ASIC4: variants seen among roughly 807,000 people sequenced by gnomAD.
ASIC4 encodes acid-sensing ion channel 4.
In ASIC4, 28 loss-of-function variants were observed where a neutral mutation model predicts 53.4. The ratio of observed to expected loss-of-function variants is 0.52; its 90% CI spans 0.39 to 0.72. The LOEUF is 0.72. Among genes scored for constraint, ASIC4 ranks in the 30% least tolerant of loss-of-function variants. ASIC4 has a pLI of 0.00. For missense variants in ASIC4, 649 were observed against 729.7 expected, an observed-to-expected ratio of 0.89 and a Z score of 1.27; for synonymous variants, 289 against 301.4, an observed-to-expected ratio of 0.96 and a Z score of 0.43.
chr2:219,509,511 C>T (rs191240469), upstream of ASIC4, among the ~76,000 whole-genome samples: 388 of 152,290 alleles, frequency 2.5e-3, no homozygotes, highest in Non-Finnish European at 4.6e-3. The surrounding 1 kb of genome is among the most constrained non-coding windows in gnomAD (Gnocchi z 5.2). Context: ...CTGCCACCCC[C>T]GCTCCCCTTC....
chr2:219,535,155 T>TA lies in ASIC4; in HGVS notation c.1076-15dup. The TA allele has an allele frequency of 6.2e-7, 1 of 1,606,848 alleles. No individual in the cohort carries two copies. Among genetic ancestry groups the TA allele is most frequent in the Non-Finnish European group, 8.5e-7 (1 of 1,175,952 alleles). On this transcript the variant is annotated splice_polypyrimidine_tract_variant and intron_variant, in intron 5 of 9. Coordinates refer to ENST00000358078, the MANE Select transcript of ASIC4 (RefSeq NM_018674.6). ...CTTCTCCAACTCCCACTGTAGCTGC[T>TA]ACCTCTGTGTTGCAGACTCCCTGGG...
chr2:219,510,022 G>A (rs2092052334), upstream of ASIC4, among the ~76,000 whole-genome samples: 1 of 151,986 alleles, frequency 6.6e-6, no homozygotes, highest in African/African-American at 2.4e-5. The surrounding 1 kb of genome is among the most constrained non-coding windows in gnomAD (Gnocchi z 5.2). Flanking sequence ...GTCAATGGCA[G>A]AAAAGTCCCC....
chr2:219,523,119 C>T (rs1047256600), intron 1 of ASIC4, among the ~76,000 whole-genome samples: 1 of 152,332 alleles, frequency 6.6e-6, no homozygotes, highest in East Asian at 1.9e-4. Flanking sequence ...TGAACTCCCG[C>T]CTGGCTGTGG....
At chr2:219,526,629 T>C (rs73991601) in intron 1 of ASIC4, among the ~76,000 whole-genome samples, 1 of 151,250 alleles carries the variant, frequency 6.6e-6, no homozygotes, top group East Asian at 2.0e-4. Flanking sequence ...AGAGACAGAC[T>C]GAGATCAGGA....
At chr2:219,514,365 G>C, upstream of ASIC4, 5 of 1,546,776 alleles carry the variant, frequency 3.2e-6, no homozygotes, top group Non-Finnish European at 4.4e-6. Context: ...AGCGGCTGGG[G>C]CTGCGCGGCG....
the ASIC4 span, among the ~76,000 whole-genome samples, chr2:219,507,991 C>T: frequency 6.6e-6 from 1 of 152,078 alleles, no homozygotes. Flanking sequence ...CTCCCAGGCC[C>T]CTCAGGTCCC....
chr2:219,524,771 C>T (rs1000365468), intron 1 of ASIC4, among the ~76,000 whole-genome samples: 3 of 152,200 alleles, frequency 2.0e-5, no homozygotes, highest in East Asian at 1.9e-4. Context: ...CTGGGGGTTT[C>T]GCTGTGACAG....
At chr2:219,522,992 G>A (rs1160924262) in intron 1 of ASIC4, among the ~76,000 whole-genome samples, 1 of 152,144 alleles carries the variant, frequency 6.6e-6, no homozygotes, top group African/African-American at 2.4e-5. Flanking sequence ...CTGGGTGCGG[G>A]TGGGCCAGGC....
chr2:219,516,842 AAG>A lies in ASIC4; in HGVS notation c.582+1539_582+1540del, dbSNP rs1694799558. 1.3e-5 allele frequency: 2 copies of A among 152,390 alleles called. No individual in the cohort carries two copies. Among genetic ancestry groups the A allele is most frequent in the Admixed American group, 1.3e-4 (2 of 15,286 alleles). The allele number at this position is 152,390 out of a possible 1,614,324, so 9.4% of individuals were successfully genotyped here. On this transcript the variant is annotated intron_variant, in intron 1 of 9. Transcript: ENST00000358078. The surrounding 1 kb of genome is among the most constrained non-coding windows in gnomAD (Gnocchi z 4.9). ...AGGAGCAGGAGCATTGTGCAGGGAG[AAG>A]AGTCGGGGGCATTGGCCTGTTGTCC...
intron 6 of ASIC4, 143 bp downstream of exon 6, chr2:219,535,467 GTGTGGGGTGTA>G (rs1366954947): frequency 1.0e-6 from 1 of 998,480 alleles, no homozygotes; most frequent in African/African-American, 1.7e-5. Context: ...GTGTGTATGT[GTGTGGGGTGTA>G]TGTGGGTGTG....
Position 219,538,108 on chromosome 2 carries a change from TCTC to T in ASIC4, c.*65_*67del. The T allele has an allele frequency of 7.2e-7, 1 of 1,389,204 alleles. No homozygotes were observed. The highest frequency in any genetic ancestry group is 1.0e-6 in the Non-Finnish European group (1 of 996,364). The allele number at this position is 1,389,204 out of a possible 1,614,324, so 86.1% of individuals were successfully genotyped here. A position where few individuals can be genotyped will look rare whatever the true frequency, so the allele number is the denominator to read the frequency against. On this transcript the variant is annotated 3_prime_UTR_variant, in exon 10 of 10. Coordinates refer to ENST00000358078, the MANE Select transcript of ASIC4 (RefSeq NM_018674.6). ...ACCCCTCCTGGGATCCCCAGCACAT[TCTC>T]CTGCTCCTGGGAGAGGCCTGGGGGC...
chr2:219,527,268 C>T (rs573438188), intron 1 of ASIC4, among the ~76,000 whole-genome samples: 284 of 152,342 alleles, frequency 1.9e-3, no homozygotes, highest in African/African-American at 6.5e-3. Context: ...CAGGACTGAC[C>T]CGGGCTGTGC....
chr2:219,523,070 C>T (rs1324557961), intron 1 of ASIC4, among the ~76,000 whole-genome samples: 2 of 151,568 alleles, frequency 1.3e-5, no homozygotes, highest in Non-Finnish European at 2.9e-5. Flanking sequence ...GCACACCCAC[C>T]CACCCACCGT....
At chr2:219,535,362 CTG>C (rs1433773661) in intron 6 of ASIC4, 38 bp downstream of exon 6, 22 of 1,526,400 alleles carry the variant, frequency 1.4e-5, no homozygotes, top group South Asian at 8.6e-5. Flanking sequence ...CTGTGTGACT[CTG>C]TGTGTACGTG....
At chr2:219,508,526 C>G in the ASIC4 span, among the ~76,000 whole-genome samples, 3 of 151,850 alleles carry the variant, frequency 2.0e-5, no homozygotes, top group Non-Finnish European at 4.4e-5. Flanking sequence ...GTAACATGCC[C>G]CCGAGATTGA....
At chr2:219,535,047 A>T (rs1695105272) in intron 5 of ASIC4, 124 bp from the exon 6 acceptor site, 31 of 1,391,804 alleles carry the variant, frequency 2.2e-5, no homozygotes, top group Non-Finnish European at 2.9e-5. Flanking sequence ...GGGGCTGGCC[A>T]GTAAAGGCCC....
At chr2:219,508,647 C>T in the ASIC4 span, among the ~76,000 whole-genome samples, 1 of 152,108 alleles carries the variant, frequency 6.6e-6, no homozygotes, top group Non-Finnish European at 1.5e-5. Flanking sequence ...CTGAGAGACC[C>T]AAGATGGAGC....
At chr2:219,528,467 CCCT>C (rs1694991634) in intron 1 of ASIC4, among the ~76,000 whole-genome samples, 1 of 151,964 alleles carries the variant, frequency 6.6e-6, no homozygotes, top group South Asian at 2.1e-4. Context: ...TTGTGATCTG[CCCT>C]CCTCAGCCTC....
chr2:219,523,596 G>A (rs1245184684), intron 1 of ASIC4, among the ~76,000 whole-genome samples: 1 of 152,210 alleles, frequency 6.6e-6, no homozygotes. Flanking sequence ...CTTGAGTGTG[G>A]CATTGTCTGA....
Sources: gnomAD v4.1 joint callset for allele counts (sites outside exome capture counted in the v4.1 genomes callset) on GRCh38, gnomAD v4.1.1 for gene constraint, Gnocchi (gnomAD v3.1) non-coding constraint, MANE v1.5 for transcripts, NCBI Gene and HGNC (gene_info 2026-07-23, HGNC 2026-07-21) for gene names.